NAGLU: variants seen among roughly 807,000 people sequenced by gnomAD.
NAGLU encodes alpha-N-acetylglucosaminidase.
NAGLU carries 34 observed loss-of-function variants against 43.4 expected under a neutral mutation model. The ratio of observed to expected loss-of-function variants is 0.78; its 90% CI spans 0.60 to 1.04. The LOEUF (loss-of-function observed/expected upper bound fraction) is 1.04. NAGLU is among the 50% of genes least tolerant of loss of function. NAGLU has a pLI of 0.00. For missense variants in NAGLU, 910 were observed against 993.7 expected (o/e 0.92, Z 1.13); for synonymous variants, 425 against 437.6 (o/e 0.97, Z 0.36).
Position 42,544,438 on chromosome 17 carries a change from T to C in NAGLU, c.*200T>C. On this transcript the variant is annotated 3_prime_UTR_variant, in exon 6 of 6. Coordinates refer to ENST00000225927, the MANE Select transcript of NAGLU (RefSeq NM_000263.4). ...AGTGTGGGATTAAAGTACTGTTTTC[T>C]TTCCACTTAAACTGATGAGTCCCCT... 1.3e-6 allele frequency: 1 copy of C among 774,314 alleles called. No individual in the cohort carries two copies. Among genetic ancestry groups the C allele is most frequent in the Non-Finnish European group, 2.0e-6 (1 of 487,954 alleles). The allele number at this position is 774,314 out of a possible 1,614,324, so 48.0% of individuals were successfully genotyped here. A position where few individuals can be genotyped will look rare whatever the true frequency, so the allele number is the denominator to read the frequency against.
Position 42,544,282 on chromosome 17 carries a change from C to A in NAGLU, c.*44C>A. The stretch of plus-strand genomic sequence containing the variant: ...GCCTTGTTTTCCGCTAATTCCAGGG[C>A]AGATTCCAGGGCCCAGAGCTGGACA... On this transcript the variant is annotated 3_prime_UTR_variant, in exon 6 of 6. Transcript: ENST00000225927. 6.2e-7 allele frequency: 1 copy of A among 1,601,450 alleles called. No individual in the cohort carries two copies. Among genetic ancestry groups the A allele is most frequent in the Non-Finnish European group, 8.5e-7 (1 of 1,179,858 alleles).
chr17:42,539,069 T>A (rs2092915063), intron 4 of NAGLU, among the ~76,000 whole-genome samples: 1 of 152,068 alleles, frequency 6.6e-6, no homozygotes, highest in Admixed American at 6.5e-5. Flanking sequence ...TTGCAGTGAG[T>A]CAAGATCACG....
At position 42,544,068 on chromosome 17, in the gene NAGLU, C is replaced by G. The variant is rs1195831432; in HGVS notation, c.2062C>G (p.Gln688Glu). The change falls in exon 6 of 6, where the codon CAG becomes GAG. Residue 688 changes from glutamine (Q) to glutamate (E), a missense_variant. By Grantham distance (29) the Gln-to-Glu change is conservative. Coordinates refer to ENST00000225927, the MANE Select transcript of NAGLU (RefSeq NM_000263.4). ...FLEALVDSVA[Q>E]GIPFQQHQFD... ...GGAGGCGCTGGTTGACAGTGTGGCC[C>G]AGGGCATCCCTTTCCAACAGCACCA... 6.2e-7 allele frequency: 1 copy of G among 1,613,922 alleles called. No homozygotes were observed. The highest frequency in any genetic ancestry group is 8.5e-7 in the Non-Finnish European group (1 of 1,179,958).
intron 1 of NAGLU, chr17:42,536,994 T>G: frequency 2.2e-6 from 1 of 445,914 alleles, no homozygotes; most frequent in Admixed American, 3.7e-5. Context: ...GACGCCTCCA[T>G]CCCCCACCCT....
In NAGLU at chr17:42,536,254, G is replaced by C. The variant is rs2092905494; in HGVS notation, c.-19G>C. The stretch of plus-strand genomic sequence containing the variant: ...CCGCCCCACCCCCTGGCCGTCGCGG[G>C]ACCCGCAGGACTGAGACCATGGAGG... On this transcript the variant is annotated 5_prime_UTR_variant, in exon 1 of 6. Transcript: ENST00000225927. The C allele has an allele frequency of 8.2e-6, 10 of 1,217,010 alleles. No individual in the cohort carries two copies. The highest frequency in any genetic ancestry group is 3.2e-4 in the Middle Eastern group (1 of 3,138). The allele number at this position is 1,217,010 out of a possible 1,614,324, so 75.4% of individuals were successfully genotyped here.
chr17:42,537,442 T>G lies in NAGLU; in HGVS notation c.428T>G (p.Val143Gly), dbSNP rs1354607897. The G allele has an allele frequency of 6.2e-7, 1 of 1,614,196 alleles. No homozygotes were observed. The change falls in exon 2 of 6, where the codon GTG (valine) becomes GGG (glycine). Residue 143 changes from valine (V) to glycine (G), a missense_variant. Val to Gly is a moderately radical substitution (Grantham distance 109). Transcript: ENST00000225927. ...QNVCTQSYSF[V>G]WWDWARWERE... ...GTGTGCACGCAAAGCTACTCTTTCG[T>G]GTGGTGGGACTGGGCCCGCTGGGAG... is the stretch of plus-strand genomic sequence containing the variant.
chr17:42,536,917 A>C, intron 1 of NAGLU: 1 of 697,732 alleles, frequency 1.4e-6, no homozygotes, highest in Non-Finnish European at 2.2e-6. Flanking sequence ...GTGGTGCACA[A>C]TTGGTGATGA....
rs1442606468 is a variant in NAGLU at position 42,543,678 on chromosome 17, T to A, written c.1672T>A (p.Tyr558Asn). Residue 558 changes from tyrosine to asparagine, a missense_variant, in exon 6 of 6, where the codon TAC becomes AAC. Physicochemically the swap from Tyr to Asn is moderately radical, Grantham distance 143 (BLOSUM62 -2). Coordinates refer to ENST00000225927, the MANE Select transcript of NAGLU (RefSeq NM_000263.4). ...PSLATSPAFR[Y>N]DLLDLTRQAV... ...CCTGGCCACCAGCCCCGCCTTCCGC[T>A]ACGACCTGCTGGACCTCACTCGGCA... 1 of 1,613,104 alleles carries A rather than the reference T, an allele frequency of 6.2e-7. No individual in the cohort carries two copies. Among genetic ancestry groups the A allele is most frequent in the Non-Finnish European group, 8.5e-7 (1 of 1,180,028 alleles).
Position 42,543,831 on chromosome 17 carries a change from G to T in NAGLU, c.1825G>T (p.Val609Leu), listed in dbSNP as rs1304820983. 6.2e-7 allele frequency: 1 copy of T among 1,601,012 alleles called. No homozygotes were observed. Among genetic ancestry groups the T allele is most frequent in the Non-Finnish European group, 8.5e-7 (1 of 1,174,372 alleles). The change falls in exon 6 of 6, where the codon GTG becomes TTG. Residue 609 changes from valine (V) to leucine (L), a missense_variant. Transcript: ENST00000225927. Reference sequence around the variant, plus strand: ...TGAGCTGCTGCCGGCACTGGACGAGGTGCTGGCTAGTGACAGCCGCTTCTT... The same window carrying T: ...TGAGCTGCTGCCGGCACTGGACGAGTTGCTGGCTAGTGACAGCCGCTTCTT... ...AYELLPALDE[V>L]LASDSRFLLG...
chr17:42,538,218 C>G lies in NAGLU; in HGVS notation c.532-121C>G, dbSNP rs1040713404. 1.8e-5 allele frequency: 27 copies of G among 1,489,244 alleles called. No homozygotes were observed. The Admixed American group carries it at 2.0e-4, about 11-fold the overall frequency. The allele number at this position is 1,489,244 out of a possible 1,614,324, so 92.3% of individuals were successfully genotyped here. A position where few individuals can be genotyped will look rare whatever the true frequency, so the allele number is the denominator to read the frequency against. On this transcript the variant is annotated intron_variant, in intron 2 of 5. Transcript: ENST00000225927. ...CTGTGGGCTCCTTGATGGCAGCGTT[C>G]GGATTTTGTCTCAGTAGCCCTAGCA...
In NAGLU at chr17:42,540,974, G is replaced by A. The variant is rs746543896; in HGVS notation, c.789G>A (p.Thr263=). The change falls in exon 5 of 6, where the codon ACG becomes ACA. Residue 263 remains threonine (T), a synonymous_variant. Coordinates refer to ENST00000225927, the MANE Select transcript of NAGLU (RefSeq NM_000263.4). ...GGGTGTTCCCTCAGGTCAATGTCAC[G>A]AAGATGGGCAGTTGGGGCCACTTTA... is the stretch of plus-strand genomic sequence containing the variant. ...VTRVFPQVNV[T]KMGSWGHFNC... The A allele has an allele frequency of 3.7e-6, 6 of 1,614,160 alleles. No homozygotes were observed. The highest frequency in any genetic ancestry group is 2.2e-5 in the East Asian group (1 of 44,880).
rs1392732615 is a variant in NAGLU at position 42,541,024 on chromosome 17, T to C, written c.839T>C (p.Leu280Pro). The change falls in exon 5 of 6, where the codon CTT (leucine) becomes CCT (proline). Residue 280 changes from leucine to proline, a missense_variant. Coordinates refer to ENST00000225927, the MANE Select transcript of NAGLU (RefSeq NM_000263.4). ...HFNCSYSCSFLLAPEDPIFPI... is the reference protein window; with the variant it reads ...HFNCSYSCSFPLAPEDPIFPI... Reference sequence around the variant, plus strand: ...AACTGTTCCTACTCCTGCTCCTTCCTTCTGGCTCCGGAAGACCCCATATTC... The same window carrying C: ...AACTGTTCCTACTCCTGCTCCTTCCCTCTGGCTCCGGAAGACCCCATATTC... 6.2e-7 allele frequency: 1 copy of C among 1,614,240 alleles called. No individual in the cohort carries two copies. Among genetic ancestry groups the C allele is most frequent in the Non-Finnish European group, 8.5e-7 (1 of 1,180,052 alleles).
At position 42,540,933 on chromosome 17, in the gene NAGLU, C is replaced by T. The variant is rs2092919880; in HGVS notation, c.765-17C>T. On this transcript the variant is annotated splice_polypyrimidine_tract_variant and intron_variant, in intron 4 of 5. Coordinates refer to ENST00000225927, the MANE Select transcript of NAGLU (RefSeq NM_000263.4). ...TGGCGGCTTCCATGAAATATCTGAGCTTTTGCTCCCCACTAGGGTGTTCCC... is the reference window on the plus strand; with the variant it reads ...TGGCGGCTTCCATGAAATATCTGAGTTTTTGCTCCCCACTAGGGTGTTCCC... 6.2e-7 allele frequency: 1 copy of T among 1,614,150 alleles called. No homozygotes were observed. Among genetic ancestry groups the T allele is most frequent in the African/African-American group, 1.3e-5 (1 of 75,026 alleles).
At chr17:42,539,802 A>C (rs568452227) in intron 4 of NAGLU, among the ~76,000 whole-genome samples, 2 of 152,234 alleles carry the variant, frequency 1.3e-5, no homozygotes, top group South Asian at 2.1e-4. Context: ...GGCTCAGGGC[A>C]GAGCCCAGCC....
intron 1 of NAGLU, 169 bp downstream of exon 1, chr17:42,536,824 G>A: frequency 3.9e-6 from 5 of 1,283,130 alleles, no homozygotes; most frequent in Non-Finnish European, 5.0e-6. Context: ...CAGAGCCTCG[G>A]CTGGCCCACC....
At chr17:42,536,705 C>A in intron 1 of NAGLU, 50 bp downstream of exon 1, 1 of 1,380,472 alleles carries the variant, frequency 7.2e-7, no homozygotes, top group Non-Finnish European at 9.4e-7. Context: ...TACCCCCTCC[C>A]GGAGCCGCTG....
In NAGLU at chr17:42,536,804, C is replaced by T. The variant is rs976907104; in HGVS notation, c.383+149C>T. ...CAGCTGTGTGGCCTTGAGCCAGCCA[C>T]TCTGCCTTTCAGAGCCTCGGCTGGC... is the stretch of plus-strand genomic sequence containing the variant. On this transcript the variant is annotated intron_variant, in intron 1 of 5. Coordinates refer to ENST00000225927, the MANE Select transcript of NAGLU (RefSeq NM_000263.4). The T allele has an allele frequency of 1.8e-5, 24 of 1,316,564 alleles. No homozygotes were observed. The South Asian group carries it at 1.9e-4, about 11-fold the overall frequency. The allele number at this position is 1,316,564 out of a possible 1,614,324, so 81.6% of individuals were successfully genotyped here.
intron 5 of NAGLU, among the ~76,000 whole-genome samples, chr17:42,542,225 G>A (rs1599259507): frequency 1.3e-5 from 2 of 152,082 alleles, no homozygotes; most frequent in Admixed American, 6.5e-5. Context: ...AACCACACTC[G>A]GCTAATTTTT....
chr17:42,541,720 G>A (rs751219132), intron 5 of NAGLU, among the ~76,000 whole-genome samples: 1 of 152,188 alleles, frequency 6.6e-6, no homozygotes, highest in African/African-American at 2.4e-5. Context: ...AGCAGAGGGC[G>A]CCCAAGTCAG....
Sources: gnomAD v4.1 joint callset for allele counts (sites outside exome capture counted in the v4.1 genomes callset) on GRCh38, gnomAD v4.1.1 for gene constraint, MANE v1.5 for transcripts, NCBI Gene and HGNC (gene_info 2026-07-23, HGNC 2026-07-21) for gene names.